Variants in CCDC88A observed in about 807,000 individuals in gnomAD.
CCDC88A encodes the protein coiled-coil and HOOK domain protein 88A.
CCDC88A carries 54 observed loss-of-function variants against 234.3 expected under a neutral mutation model. The observed-to-expected ratio is 0.23, with a 90% CI of 0.19 to 0.29. CCDC88A has a LOEUF of 0.29. Among genes scored for constraint, CCDC88A ranks in the 10% least tolerant of loss-of-function variants. The pLI is 1.00. For missense variants in CCDC88A, 1,832 were observed against 2,123.4 expected (o/e 0.86, Z 2.70); for synonymous variants, 753 against 737.8 (o/e 1.02, Z -0.33).
Position 55,317,345 on chromosome 2 carries a change from T to G in CCDC88A, c.3607A>C (p.Asn1203His), listed in dbSNP as rs1190480318. 1 of 1,482,874 alleles carries G rather than the reference T, an allele frequency of 6.7e-7. No individual in the cohort carries two copies. The highest frequency in any genetic ancestry group is 9.0e-7 in the Non-Finnish European group (1 of 1,112,722). 91.9% of individuals were successfully genotyped at this position (1,482,874 alleles called of 1,614,324 possible). A position where few individuals can be genotyped will look rare whatever the true frequency, so the allele number is the denominator to read the frequency against. Residue 1203 changes from asparagine (N) to histidine (H), a missense_variant, in exon 21 of 33, where the codon AAT (asparagine) becomes CAT (histidine). This residue lies in a region of CCDC88A where 1,282 missense variants were observed against 1,543.6 expected (regional missense o/e 0.83). Coordinates refer to ENST00000436346, the MANE Select transcript of CCDC88A (RefSeq NM_001365480.1). The surrounding 1 kb of genome is among the most constrained non-coding windows in gnomAD (Gnocchi z 4.2). The stretch of plus-strand genomic sequence containing the variant: ...TGTCCTTTCTGTTTTAATAACTGAT[T>G]GTAACTGGGGGGAAAAAAGGCATTT... Reference protein sequence around the residue: ...VEHRDLEDRYNQLLKQKGQLE... With the variant: ...VEHRDLEDRYHQLLKQKGQLE...
At chr2:55,415,388 G>A (rs1366517368) in intron 2 of CCDC88A, among the ~76,000 whole-genome samples, 1 of 151,778 alleles carries the variant, frequency 6.6e-6, no homozygotes, top group African/African-American at 2.4e-5. Flanking sequence ...ACAACTGGGG[G>A]GAAAAAAAGA....
intron 8 of CCDC88A, among the ~76,000 whole-genome samples, chr2:55,353,840 T>C (rs1574248138): frequency 6.6e-6 from 1 of 152,208 alleles, no homozygotes; most frequent in Non-Finnish European, 1.5e-5. Flanking sequence ...TCATCAGTAC[T>C]AACCAAATCT....
At chr2:55,385,852 CAAAAAAAAAAAAAA>C (rs56233901) in intron 3 of CCDC88A, among the ~76,000 whole-genome samples, 15 of 62,462 alleles carry the variant, frequency 2.4e-4, no homozygotes, top group East Asian at 4.6e-4. Flanking sequence ...AACTCCATGT[CAAAAAAAAAAAAAA>C]AAAAAAAAAA....
At chr2:55,386,459 G>GTATTGTATTTTATTTTATTTTATTT (rs1675661560) in intron 3 of CCDC88A, among the ~76,000 whole-genome samples, 1 of 145,704 alleles carries the variant, frequency 6.9e-6, no homozygotes, top group Non-Finnish European at 1.5e-5. Context: ...TTTGTAGATT[G>GTATTGTATTTTATTTTATTTTATTT]TATTTTATTT....
chr2:55,365,983 T>C (rs991909924), intron 5 of CCDC88A, among the ~76,000 whole-genome samples: 1 of 152,212 alleles, frequency 6.6e-6, no homozygotes. Flanking sequence ...CACATGCGGC[T>C]AGTGGCTACT....
At chr2:55,388,712 T>C in intron 3 of CCDC88A, 66 bp downstream of exon 3, 2 of 671,580 alleles carry the variant, frequency 3.0e-6, no homozygotes, top group South Asian at 1.8e-5. Context: ...GTGAGATGAC[T>C]GATACTAAAT....
intron 5 of CCDC88A, among the ~76,000 whole-genome samples, chr2:55,370,860 A>T (rs548947651): frequency 1.3e-5 from 2 of 150,984 alleles, no homozygotes; most frequent in East Asian, 1.9e-4. Flanking sequence ...AAAAAAAAAA[A>T]AATTAACCAG....
chr2:55,325,047 T>A (rs1684094340), intron 17 of CCDC88A, among the ~76,000 whole-genome samples: 2 of 152,232 alleles, frequency 1.3e-5, no homozygotes, highest in Admixed American at 6.5e-5. Flanking sequence ...TGCTCCCAAT[T>A]TGCACCAATA....
chr2:55,336,994 A>G, intron 13 of CCDC88A, 176 bp from the exon 14 acceptor site: 1 of 482,354 alleles, frequency 2.1e-6, no homozygotes, highest in Non-Finnish European at 3.6e-6. Context: ...CTGTAGCTGT[A>G]TAAAATATGC....
rs943280606 is a variant in CCDC88A, at chr2:55,324,238, A to G, written c.2998-1546T>C. 3 of 152,244 alleles carry G rather than the reference A, an allele frequency of 2.0e-5. No homozygotes were observed. The South Asian group carries it at 6.2e-4, about 31-fold the overall frequency. 9.4% of individuals were successfully genotyped at this position (152,244 alleles called of 1,614,324 possible). A position where few individuals can be genotyped will look rare whatever the true frequency, so the allele number is the denominator to read the frequency against. The stretch of plus-strand genomic sequence containing the variant: ...AGTTCCCAAAGATAATGTCATCTTT[A>G]AAAACAGAGTTATAATTTGCATGAA... On this transcript the variant is annotated intron_variant, in intron 17 of 32. Coordinates refer to ENST00000436346, the MANE Select transcript of CCDC88A (RefSeq NM_001365480.1).
At chr2:55,294,642 G>A in intron 31 of CCDC88A, 1 of 990,886 alleles carries the variant, frequency 1.0e-6, no homozygotes. Flanking sequence ...GAGCAAGTGA[G>A]GGGTGGGAAG....
intron 8 of CCDC88A, chr2:55,355,222 A>G (rs1179020176): frequency 4.7e-6 from 1 of 214,982 alleles, no homozygotes; most frequent in Non-Finnish European, 9.2e-6. Flanking sequence ...GGTGTAAAAC[A>G]TTAATTTTAA....
At position 55,343,753 on chromosome 2, in the gene CCDC88A, C is replaced by T. The variant is rs1197887133; in HGVS notation, c.1228G>A (p.Glu410Lys). 8.1e-6 allele frequency: 13 copies of T among 1,610,886 alleles called. No individual in the cohort carries two copies. The highest frequency in any genetic ancestry group is 1.1e-5 in the Non-Finnish European group (13 of 1,177,974). ...GCCATTTCCAAAGTCATATTTTCTT[C>T]CATTAATTCTTCAATCTTTTTTCTA... The part of the protein sequence containing the change: ...MDRKKIEELM[E>K]ENMTLEMAQK... Residue 410 changes from glutamate to lysine, a missense_variant, in exon 12 of 33, where the codon GAA becomes AAA. Around this residue, in one of 6 missense-constraint regions of CCDC88A, gnomAD observed 1,282 missense variants for 1,543.6 expected, o/e 0.83. Coordinates refer to ENST00000436346, the MANE Select transcript of CCDC88A (RefSeq NM_001365480.1).
At chr2:55,391,759 A>T (rs1373485487) in intron 2 of CCDC88A, among the ~76,000 whole-genome samples, 1 of 151,276 alleles carries the variant, frequency 6.6e-6, no homozygotes, top group Non-Finnish European at 1.5e-5. Flanking sequence ...AAATGAATGA[A>T]CAGAGACTAA....
At chr2:55,315,492 TG>T (rs1339251537) in intron 22 of CCDC88A, 1 of 152,526 alleles carries the variant, frequency 6.6e-6, no homozygotes, top group Non-Finnish European at 1.5e-5. Flanking sequence ...CTTAAGGAGT[TG>T]ATTTGCCACA....
At position 55,308,802 on chromosome 2, in the gene CCDC88A, C is replaced by T. The variant is rs890994019; in HGVS notation, c.4387+7G>A. On this transcript the variant is annotated splice_region_variant and intron_variant, in intron 25 of 32. Coordinates refer to ENST00000436346, the MANE Select transcript of CCDC88A (RefSeq NM_001365480.1). ...CAATACGATGTTTAAAGAGTTTAAG[C>T]ACTCACTGCTGCTTTTCTTGGTCCC... The T allele has an allele frequency of 1.7e-5, 27 of 1,606,074 alleles. No homozygotes were observed. The highest frequency in any genetic ancestry group is 2.3e-5 in the Non-Finnish European group (27 of 1,173,026).
At chr2:55,387,922 A>G (rs1355494681) in intron 3 of CCDC88A, among the ~76,000 whole-genome samples, 1 of 152,334 alleles carries the variant, frequency 6.6e-6, no homozygotes, top group East Asian at 1.9e-4. Flanking sequence ...AGTCTATAAG[A>G]CAAAATTTGA....
At chr2:55,398,053 TCAA>T (rs1286376215) in intron 2 of CCDC88A, among the ~76,000 whole-genome samples, 5 of 152,152 alleles carry the variant, frequency 3.3e-5, no homozygotes, top group Non-Finnish European at 7.3e-5. Context: ...GAAAAGTACT[TCAA>T]CACCTAAAAT....
chr2:55,339,866 C>CT (rs1668265099), intron 12 of CCDC88A: 1 of 391,862 alleles, frequency 2.6e-6, no homozygotes, highest in African/African-American at 2.1e-5. Flanking sequence ...GGGTCTCTCT[C>CT]TGTCACCCAG....
Sources: allele counts gnomAD v4.1 joint callset (sites outside exome capture counted in the v4.1 genomes callset), GRCh38; gene constraint gnomAD v4.1.1; regional missense constraint gnomAD v4.1.1; non-coding constraint Gnocchi (gnomAD v3.1); transcripts MANE v1.5; gene names NCBI Gene and HGNC (gene_info 2026-07-23, HGNC 2026-07-21).